Variants in SORBS2 observed in about 807,000 individuals in gnomAD.
The protein encoded by SORBS2 is sorbin and SH3 domain containing 2.
In SORBS2, 46 loss-of-function variants were observed where a neutral mutation model predicts 97.7. The ratio of observed to expected loss-of-function variants is 0.47; its 90% CI spans 0.37 to 0.60. The LOEUF is 0.60. SORBS2 is among the 20% of genes least tolerant of loss of function. The pLI is 0.00. For synonymous variants in SORBS2, 476 were observed against 473.4 expected, an observed-to-expected ratio of 1.01 and a Z score of -0.07; for missense variants, 1,316 against 1,282.3, an observed-to-expected ratio of 1.03 and a Z score of -0.40.
At chr4:185,656,675 C>T in exon 1 of SORBS2, 2 of 1,550,730 alleles carry the variant, frequency 1.3e-6, no homozygotes, top group East Asian at 2.4e-5. Flanking sequence ...TGGCACAAGC[C>T]TTCTCTTCCA....
chr4:185,635,295 G>T, intron 4 of SORBS2, 60 bp downstream of exon 16: 2 of 1,218,198 alleles, frequency 1.6e-6, no homozygotes, highest in Non-Finnish European at 2.4e-6. Flanking sequence ...CAGATGTGCA[G>T]AATCACAGTC....
At chr4:185,838,313 C>T (rs576221959) in intron 1 of SORBS2, among the ~76,000 whole-genome samples, 1 of 152,366 alleles carries the variant, frequency 6.6e-6, no homozygotes, top group East Asian at 1.9e-4. Flanking sequence ...CATCTCATCT[C>T]CTCACGCTGT....
intron 2 of SORBS2, among the ~76,000 whole-genome samples, chr4:185,743,890 CCTT>C (rs577667605): frequency 5.4e-5 from 8 of 149,040 alleles, no homozygotes; most frequent in Admixed American, 2.7e-4. Context: ...TTCTCCTCCT[CCTT>C]CTTCTTCTCC....
At chr4:185,639,095 G>C (rs2097082994) in intron 4 of SORBS2, 60 bp from the exon 14 acceptor site, 1 of 1,420,326 alleles carries the variant, frequency 7.0e-7, no homozygotes, top group Non-Finnish European at 9.3e-7. Context: ...GCGGAACCGC[G>C]AGGACACCCT....
At chr4:185,941,919 C>T (rs751771569) in intron 1 of SORBS2, among the ~76,000 whole-genome samples, 5 of 152,014 alleles carry the variant, frequency 3.3e-5, no homozygotes, top group African/African-American at 4.8e-5. Flanking sequence ...AGATCGAGAC[C>T]AGCCTGGCCA....
chr4:185,799,616 C>T (rs1358185940), intron 1 of SORBS2, among the ~76,000 whole-genome samples: 1 of 152,184 alleles, frequency 6.6e-6, no homozygotes, highest in Non-Finnish European at 1.5e-5. Context: ...CTTCTCAAGA[C>T]TCCAGAGTTT....
At chr4:185,598,643 A>G (rs1314091068) in intron 12 of SORBS2, among the ~76,000 whole-genome samples, 1 of 152,252 alleles carries the variant, frequency 6.6e-6, no homozygotes, top group East Asian at 1.9e-4. Context: ...CAATATAAGC[A>G]GTGCTAAAGT....
At position 185,606,632 on chromosome 4, in the gene SORBS2, G is replaced by A. The variant is rs988818435; in HGVS notation, c.2796+5148C>T. ...TTGCTGTCCTCCTTGGGGGTCCTAG[G>A]ATCTGTGGGGGTGGCTATGGGGTGT... On this transcript the variant is annotated intron_variant, in intron 12 of 14. Coordinates refer to ENST00000418609, the Ensembl canonical transcript of SORBS2. This position sits in a 1 kb window ranked among gnomAD's most constrained non-coding sequence, Gnocchi z 4.3. 8.1e-6 allele frequency: 8 copies of A among 985,082 alleles called. No individual in the cohort carries two copies. In the African/African-American group the frequency reaches 1.4e-4, roughly 17 times the overall value. 61.0% of individuals were successfully genotyped at this position (985,082 alleles called of 1,614,324 possible). A position where few individuals can be genotyped will look rare whatever the true frequency, so the allele number is the denominator to read the frequency against.
intron 2 of SORBS2, among the ~76,000 whole-genome samples, chr4:185,731,048 T>C (rs1583588532): frequency 6.6e-6 from 1 of 152,262 alleles, no homozygotes; most frequent in South Asian, 2.1e-4. Flanking sequence ...TAGGTTTTTC[T>C]CATGGTCAAG....
At chr4:185,602,819 A>ACTT (rs2096294474) in intron 12 of SORBS2, among the ~76,000 whole-genome samples, 1 of 152,260 alleles carries the variant, frequency 6.6e-6, no homozygotes, top group South Asian at 2.1e-4. Flanking sequence ...TTCAATTTGT[A>ACTT]CTTAAATTTA....
At chr4:185,785,471 C>T (rs1032535329) in intron 1 of SORBS2, among the ~76,000 whole-genome samples, 2 of 152,122 alleles carry the variant, frequency 1.3e-5, no homozygotes, top group South Asian at 2.1e-4. Flanking sequence ...CAGACAGTCT[C>T]GTGTAAATAT....
At chr4:185,840,424 A>G (rs575781913) in intron 1 of SORBS2, among the ~76,000 whole-genome samples, 2 of 152,298 alleles carry the variant, frequency 1.3e-5, no homozygotes, top group South Asian at 2.1e-4. Flanking sequence ...ATTCAGATGA[A>G]TAACTATGCT....
intron 2 of SORBS2, among the ~76,000 whole-genome samples, chr4:185,724,319 T>A (rs1045901057): frequency 2.8e-5 from 3 of 105,596 alleles, no homozygotes; most frequent in Non-Finnish European, 6.0e-5. Context: ...GATATTCCAC[T>A]GCCCAGAGAG....
At chr4:185,767,387 T>C (rs13122915) in intron 2 of SORBS2, among the ~76,000 whole-genome samples, 9,454 of 101,802 alleles carry the variant, frequency 0.093, 1,055 homozygotes, top group Middle Eastern at 0.16. Flanking sequence ...GTAGTTCCAG[T>C]TACTCGGGAG....
At chr4:185,880,070 G>A (rs2099236099) in intron 1 of SORBS2, among the ~76,000 whole-genome samples, 1 of 152,204 alleles carries the variant, frequency 6.6e-6, no homozygotes, top group African/African-American at 2.4e-5. Context: ...CCATGATTAC[G>A]TAGCTGAGGT....
intron 2 of SORBS2, among the ~76,000 whole-genome samples, chr4:185,725,610 G>T (rs1389710305): frequency 6.6e-6 from 1 of 152,018 alleles, no homozygotes; most frequent in Non-Finnish European, 1.5e-5. Flanking sequence ...CATAAATGTG[G>T]GCTATTATTG....
At chr4:185,863,730 T>C (rs1055510095) in intron 1 of SORBS2, among the ~76,000 whole-genome samples, 2 of 152,186 alleles carry the variant, frequency 1.3e-5, no homozygotes, top group East Asian at 3.8e-4. Context: ...GTGGAAGATG[T>C]GTGTCACCTC....
chr4:185,588,866 C>T (rs1421609490), intron 14 of SORBS2, among the ~76,000 whole-genome samples: 2 of 152,256 alleles, frequency 1.3e-5, no homozygotes, highest in East Asian at 3.9e-4. Context: ...CCACCCGCCT[C>T]GGCCTCCCAA....
At chr4:185,801,598 T>C (rs1477239977) in intron 1 of SORBS2, among the ~76,000 whole-genome samples, 2 of 152,248 alleles carry the variant, frequency 1.3e-5, no homozygotes, top group African/African-American at 2.4e-5. Flanking sequence ...CATACGTCTG[T>C]TTGCCATTTG....
Sources: gnomAD v4.1 joint callset for allele counts (sites outside exome capture counted in the v4.1 genomes callset) on GRCh38, gnomAD v4.1.1 for gene constraint, Gnocchi (gnomAD v3.1) non-coding constraint, MANE v1.5 for transcripts, NCBI Gene and HGNC (gene_info 2026-07-23, HGNC 2026-07-21) for gene names.